Variants in GPER1 observed in about 807,000 individuals in gnomAD.
GPER1 encodes the protein G protein-coupled estrogen receptor 1.
In GPER1, 2 loss-of-function variants were observed where a neutral mutation model predicts 0.6. That is an observed-to-expected ratio of 3.41 (90% CI 1.39 to 10.72). GPER1 has a LOEUF of 10.72. Among genes scored for constraint, GPER1 ranks in the 30% most tolerant of loss-of-function variants. The pLI, the probability that GPER1 is intolerant of heterozygous loss-of-function variation, is 0.04. For missense variants in GPER1, 441 were observed against 535.2 expected, an observed-to-expected ratio of 0.82 and a Z score of 1.74; for synonymous variants, 263 against 247.6, an observed-to-expected ratio of 1.06 and a Z score of -0.58.
chr7:1,092,081 A>C lies in GPER1; in HGVS notation c.353A>C (p.Asn118Thr). 1 of 1,613,894 alleles carries C rather than the reference A, an allele frequency of 6.2e-7. No individual in the cohort carries two copies. The highest frequency in any genetic ancestry group is 8.5e-7 in the Non-Finnish European group (1 of 1,180,014). The change falls in exon 2 of 2, where the codon AAC becomes ACC. Residue 118 changes from asparagine (N) to threonine (T), a missense_variant. Transcript: ENST00000397088. ...GCCGACTCCCTCATTGAGGTGTTCA[A>C]CCTGCACGAGCGGTACTACGACATC... ...LVADSLIEVFNLHERYYDIAV... is the reference protein window; with the variant it reads ...LVADSLIEVFTLHERYYDIAV...
At position 1,093,098 on chromosome 7, in the gene GPER1, G is replaced by A. The variant is rs1239777270; in HGVS notation, c.*242G>A. The A allele has an allele frequency of 1.0e-5, 7 of 671,232 alleles. No individual in the cohort carries two copies. Among genetic ancestry groups the A allele is most frequent in the Non-Finnish European group, 1.7e-5 (6 of 359,296 alleles). The allele number at this position is 671,232 out of a possible 1,614,324, so 41.6% of individuals were successfully genotyped here. A position where few individuals can be genotyped will look rare whatever the true frequency, so the allele number is the denominator to read the frequency against. On this transcript the variant is annotated 3_prime_UTR_variant, in exon 2 of 2. Transcript: ENST00000397088. ...AATCCCAAAGCGCTCGCCCCGCAGG[G>A]TCCAAAGGCCAGCGGTGACCAGCCT...
At chr7:1,090,093 A>C (rs899977820) in intron 1 of GPER1, among the ~76,000 whole-genome samples, 2 of 152,126 alleles carry the variant, frequency 1.3e-5, no homozygotes, top group African/African-American at 4.8e-5. Context: ...CAAAACAATA[A>C]CTCCTAATGA....
chr7:1,091,681 G>A lies in GPER1; in HGVS notation c.-48G>A, dbSNP rs754967390. The A allele has an allele frequency of 1.5e-6, 2 of 1,325,160 alleles. No individual in the cohort carries two copies. Among genetic ancestry groups the A allele is most frequent in the Non-Finnish European group, 2.1e-6 (2 of 960,676 alleles). The allele number at this position is 1,325,160 out of a possible 1,614,324, so 82.1% of individuals were successfully genotyped here. A position where few individuals can be genotyped will look rare whatever the true frequency, so the allele number is the denominator to read the frequency against. On this transcript the variant is annotated 5_prime_UTR_variant, in exon 2 of 2. Coordinates refer to ENST00000397088, the MANE Select transcript of GPER1 (RefSeq NM_001098201.3). Reference sequence around the variant, plus strand: ...AGATGGATTCACCATTTAAAACAGAGCTCTGGGAGCCTTTCGGCAAATCTT... The same window carrying A: ...AGATGGATTCACCATTTAAAACAGAACTCTGGGAGCCTTTCGGCAAATCTT...
chr7:1,092,334 C>T lies in GPER1; in HGVS notation c.606C>T (p.Asp202=), dbSNP rs771633136. The T allele has an allele frequency of 3.2e-5, 52 of 1,611,352 alleles. No homozygotes were observed. The highest frequency in any genetic ancestry group is 1.3e-4 in the South Asian group (12 of 90,916). ...PFTAVHLQHT[D]EACFCFADVR... ...CCGCCGTGCACCTGCAGCACACCGA[C>T]GAGGCCTGCTTCTGTTTCGCGGATG... The change falls in exon 2 of 2, where the codon GAC becomes GAT. Residue 202 remains aspartate (D), a synonymous_variant. Transcript: ENST00000397088.
rs777852953 is a variant in GPER1 at position 1,092,662 on chromosome 7, G to A, written c.934G>A (p.Ala312Thr). Residue 312 changes from alanine to threonine, a missense_variant, in exon 2 of 2, where the codon GCC (alanine) becomes ACC (threonine). Ala to Thr is a moderately conservative substitution (Grantham distance 58). Transcript: ENST00000397088. ...CCTCACGGGCCACATTGTCAACCTC[G>A]CCGCCTTCTCCAACAGCTGCCTAAA... ...HPLTGHIVNL[A>T]AFSNSCLNPL... 8.7e-6 allele frequency: 14 copies of A among 1,612,870 alleles called. No individual in the cohort carries two copies. Among genetic ancestry groups the A allele is most frequent in the South Asian group, 3.3e-5 (3 of 91,082 alleles).
chr7:1,091,341 A>T (rs983915810), intron 1 of GPER1, 66 bp from the exon 2 acceptor site: 19 of 181,674 alleles, frequency 1.0e-4, no homozygotes, highest in African/African-American at 4.0e-4. Flanking sequence ...CGGCCAGGGG[A>T]GCCAGGCCTT....
Position 1,088,903 on chromosome 7 carries a change from A to T in GPER1, c.-323+582A>T, listed in dbSNP as rs1457582782. ...CATCAGACACTAGGACACATCAGAC[A>T]CCAGGTCCCGTATCTTCTCGGTGTC... On this transcript the variant is annotated intron_variant, in intron 1 of 1. Transcript: ENST00000397088. This position sits in a 1 kb window ranked among gnomAD's most constrained non-coding sequence, Gnocchi z 4.5. Among the ~76,000 whole-genome samples, 1 of 151,572 alleles carries T rather than the reference A, an allele frequency of 6.6e-6. No individual in the cohort carries two copies. The highest frequency in any genetic ancestry group is 1.5e-5 in the Non-Finnish European group (1 of 67,950).
In GPER1 at chr7:1,092,454, C is replaced by T; in HGVS notation, c.726C>T (p.Val242=). Residue 242 remains valine (V), a synonymous_variant, in exon 2 of 2, where the codon GTC becomes GTT. Transcript: ENST00000397088. The part of the protein sequence containing the change: ...LCYSLIVRVL[V]RAHRHRGLRP... The stretch of plus-strand genomic sequence containing the variant: ...ACTCCCTCATTGTCCGGGTGCTGGT[C>T]AGGGCGCACCGGCACCGTGGGCTGC... 2 of 1,607,934 alleles carry T rather than the reference C, an allele frequency of 1.2e-6. No individual in the cohort carries two copies. The highest frequency in any genetic ancestry group is 1.7e-5 in the Admixed American group (1 of 59,948).
Position 1,092,585 on chromosome 7 carries a change from G to T in GPER1, c.857G>T (p.Arg286Leu). ...TTCATCAGCGTGCACCTCCTGCAGC[G>T]GACGCAGCCTGGGGCCGCTCCCTGC... ...NVFISVHLLQ[R>L]TQPGAAPCKQ... Residue 286 changes from arginine to leucine, a missense_variant, in exon 2 of 2, where the codon CGG (arginine) becomes CTG (leucine). Arg to Leu is a moderately radical substitution (Grantham distance 102, BLOSUM62 -2). Coordinates refer to ENST00000397088, the MANE Select transcript of GPER1 (RefSeq NM_001098201.3). 1 of 1,611,252 alleles carries T rather than the reference G, an allele frequency of 6.2e-7. No individual in the cohort carries two copies. Among genetic ancestry groups the T allele is most frequent in the Non-Finnish European group, 8.5e-7 (1 of 1,180,026 alleles).
At position 1,092,978 on chromosome 7, in the gene GPER1, G is replaced by GC; in HGVS notation, c.*122_*123insC. 2.1e-6 allele frequency: 2 copies of GC among 940,314 alleles called. No individual in the cohort carries two copies. Among genetic ancestry groups the GC allele is most frequent in the Non-Finnish European group, 3.4e-6 (2 of 589,422 alleles). 58.2% of individuals were successfully genotyped at this position (940,314 alleles called of 1,614,324 possible). On this transcript the variant is annotated 3_prime_UTR_variant, in exon 2 of 2. Transcript: ENST00000397088. Reference sequence around the variant, plus strand: ...GGTCAGATGTGGCTTCTGGCTCCTCGGGGCCTCGCGAGGGTCACGCTTGCC... The same window carrying GC: ...GGTCAGATGTGGCTTCTGGCTCCTCGCGGGCCTCGCGAGGGTCACGCTTGCC...
Position 1,093,596 on chromosome 7 carries a change from C to G in GPER1, c.*740C>G, listed in dbSNP as rs1232725784. 2.1e-6 allele frequency: 1 copy of G among 471,222 alleles called. No individual in the cohort carries two copies. The highest frequency in any genetic ancestry group is 2.3e-5 in the Admixed American group (1 of 42,584). 29.2% of individuals were successfully genotyped at this position (471,222 alleles called of 1,614,324 possible). ...TGTTGACATCAACATGGCAATTGCA[C>G]TCATGTGGACTGGGACCGTGCGAGC... is the stretch of plus-strand genomic sequence containing the variant. On this transcript the variant is annotated 3_prime_UTR_variant, in exon 2 of 2. Transcript: ENST00000397088.
chr7:1,089,959 C>T (rs947194974), intron 1 of GPER1, among the ~76,000 whole-genome samples: 2 of 151,632 alleles, frequency 1.3e-5, no homozygotes, highest in African/African-American at 4.8e-5. Flanking sequence ...TGGTGCACAC[C>T]TATAATCCCA....
rs1053838604 is a variant in GPER1 at position 1,092,504 on chromosome 7, G to A, written c.776G>A (p.Arg259His). Residue 259 changes from arginine (R) to histidine (H), a missense_variant, in exon 2 of 2, where the codon CGC (arginine) becomes CAC (histidine). Transcript: ENST00000397088. ...CGGCCCCGGCGGCAGAAGGCGCTCC[G>A]CATGATCCTCGCGGTGGTGCTGGTC... ...GLRPRRQKAL[R>H]MILAVVLVFF... 1.1e-5 allele frequency: 18 copies of A among 1,607,666 alleles called. No individual in the cohort carries two copies. Among genetic ancestry groups the A allele is most frequent in the East Asian group, 4.5e-5 (2 of 44,886 alleles).
Position 1,091,846 on chromosome 7 carries a change from A to C in GPER1, c.118A>C (p.Thr40Pro). 6.2e-7 allele frequency: 1 copy of C among 1,610,540 alleles called. No homozygotes were observed. Among genetic ancestry groups the C allele is most frequent in the Non-Finnish European group, 8.5e-7 (1 of 1,177,408 alleles). Residue 40 changes from threonine to proline, a missense_variant, in exon 2 of 2, where the codon ACC (threonine) becomes CCC (proline). By Grantham distance (38) the Thr-to-Pro change is conservative. Coordinates refer to ENST00000397088, the MANE Select transcript of GPER1 (RefSeq NM_001098201.3). The part of the protein sequence containing the change: ...ELNLSHPLLG[T>P]ALANGTGELS... ...CAACCTGTCCCACCCGCTCCTGGGC[A>C]CCGCCCTGGCCAATGGGACAGGTGA...
chr7:1,093,486 G>A lies in GPER1; in HGVS notation c.*630G>A. The A allele has an allele frequency of 2.1e-6, 1 of 469,962 alleles. No homozygotes were observed. 29.1% of individuals were successfully genotyped at this position (469,962 alleles called of 1,614,324 possible). ...CTGTGCGGCCTCACCAGGCCCACGA[G>A]GAGCAGCAGCGCTCGGCCCGGAGCA... On this transcript the variant is annotated 3_prime_UTR_variant, in exon 2 of 2. Transcript: ENST00000397088.
At chr7:1,090,925 T>C (rs55963585) in intron 1 of GPER1, among the ~76,000 whole-genome samples, 7,516 of 152,276 alleles carry the variant, frequency 0.049, 502 homozygotes, top group African/African-American at 0.15. Context: ...ACTTCTGTTT[T>C]ATCGTAAGAG....
Position 1,091,528 on chromosome 7 carries a change from G to A in GPER1, c.-201G>A, listed in dbSNP as rs1435324887. On this transcript the variant is annotated 5_prime_UTR_variant, in exon 2 of 2. Coordinates refer to ENST00000397088, the MANE Select transcript of GPER1 (RefSeq NM_001098201.3). ...CACGGATGCACCATGCCGGTGTGAGGAGCATCTGTTCTTCCCACTCTCTGC... is the reference window on the plus strand; with the variant it reads ...CACGGATGCACCATGCCGGTGTGAGAAGCATCTGTTCTTCCCACTCTCTGC... The A allele has an allele frequency of 5.3e-6, 3 of 562,962 alleles. No homozygotes were observed. In the East Asian group the frequency reaches 8.8e-5, roughly 17 times the overall value. 34.9% of individuals were successfully genotyped at this position (562,962 alleles called of 1,614,324 possible).
intron 1 of GPER1, 136 bp from the exon 2 acceptor site, chr7:1,091,271 A>G (rs1787948706): frequency 1.3e-5 from 2 of 156,692 alleles, no homozygotes; most frequent in African/African-American, 4.8e-5. Context: ...TCCCGAGCTC[A>G]TAAAGCTGAG....
chr7:1,090,760 T>C (rs947461472), intron 1 of GPER1, among the ~76,000 whole-genome samples: 1 of 152,218 alleles, frequency 6.6e-6, no homozygotes, highest in Non-Finnish European at 1.5e-5. Context: ...CAAACAGCAT[T>C]GCAAAAACAT....
Sources: gnomAD v4.1 joint callset for allele counts (sites outside exome capture counted in the v4.1 genomes callset) on GRCh38, gnomAD v4.1.1 for gene constraint, Gnocchi (gnomAD v3.1) non-coding constraint, MANE v1.5 for transcripts, NCBI Gene and HGNC (gene_info 2026-07-23, HGNC 2026-07-21) for gene names.